CCNB3: variants seen among roughly 807,000 people sequenced by gnomAD.
CCNB3 encodes G2/mitotic-specific cyclin-B3.
A neutral mutation model predicts 68.0 loss-of-function variants in CCNB3; 12 were observed. The observed-to-expected ratio is 0.18, with a 90% CI of 0.11 to 0.29. The LOEUF (loss-of-function observed/expected upper bound fraction) is 0.29, where lower values mean the gene tolerates loss of function less well. CCNB3 is among the 10% of genes least tolerant of loss of function. The probability of loss-of-function intolerance (pLI) is 1.00; values close to 1 mark genes in which losing one functional copy is unlikely to be tolerated. For synonymous variants in CCNB3, 354 were observed against 388.9 expected (o/e 0.91, Z 1.06); for missense variants, 904 against 993.1 (o/e 0.91, Z 1.21).
chrX:50,279,435 TATATATATAA>T (rs1407561177), intron 1 of CCNB3, among the ~76,000 whole-genome samples: 1 of 74,795 alleles, frequency 1.3e-5, no homozygotes, highest in African/African-American at 6.5e-5. Context: ...TATATATAAA[TATATATATAA>T]ATATATAAAT....
chrX:50,226,235 T>A (rs1246758834), intron 1 of CCNB3, among the ~76,000 whole-genome samples: 429 of 60,813 alleles, frequency 7.1e-3, no homozygotes, highest in Middle Eastern at 0.038. Flanking sequence ...ATATATATAT[T>A]TATATATATA....
intron 9 of CCNB3, among the ~76,000 whole-genome samples, chrX:50,344,170 C>T (rs1228981431): frequency 1.8e-5 from 2 of 112,242 alleles, no homozygotes; most frequent in Admixed American, 1.9e-4. Context: ...AGGTGTGTAG[C>T]CTAGGAGCAA....
chrX:50,227,374 A>G (rs1213236520), intron 1 of CCNB3, among the ~76,000 whole-genome samples: 3 of 84,292 alleles, frequency 3.6e-5, no homozygotes, highest in East Asian at 6.8e-4. Context: ...CAGAATATAT[A>G]TAAATATATA....
intron 1 of CCNB3, among the ~76,000 whole-genome samples, chrX:50,206,404 C>G (rs1157704085): frequency 9.4e-6 from 1 of 106,317 alleles, no homozygotes; most frequent in Admixed American, 1.0e-4. Context: ...AAACTTCCGT[C>G]TCTACCAAAA....
At chrX:50,327,117 G>T (rs73213612) in intron 8 of CCNB3, among the ~76,000 whole-genome samples, 6,207 of 111,968 alleles carry the variant, frequency 0.055, 187 homozygotes, top group Non-Finnish European at 0.084. Flanking sequence ...GGGACTTCTT[G>T]TCCATATTTG....
chrX:50,308,728 G>C lies in CCNB3; in HGVS notation c.559G>C (p.Val187Leu). ...SLKKCSNHEEVSLLEKLQPLQ... is the reference protein window; with the variant it reads ...SLKKCSNHEELSLLEKLQPLQ... ...AAAAAAGTGCTCAAATCATGAGGAG[G>C]TGTCCTTACTGGAAAAGCTACAGCC... Residue 187 changes from valine to leucine, a missense_variant, in exon 6 of 13, where the codon GTG becomes CTG. Val to Leu is a conservative substitution (Grantham distance 32). Coordinates refer to ENST00000376042, the MANE Select transcript of CCNB3 (RefSeq NM_033031.3). 1.7e-6 allele frequency: 2 copies of C among 1,210,942 alleles called. No homozygotes were observed. The highest frequency in any genetic ancestry group is 2.2e-6 in the Non-Finnish European group (2 of 894,815).
At chrX:50,223,957 G>GC (rs1450967279) in intron 1 of CCNB3, among the ~76,000 whole-genome samples, 2 of 111,937 alleles carry the variant, frequency 1.8e-5, no homozygotes, top group Non-Finnish European at 3.8e-5. Flanking sequence ...TTTCAGAGAT[G>GC]CCCTGTCCAG....
chrX:50,215,914 T>C, intron 1 of CCNB3, among the ~76,000 whole-genome samples: 1 of 109,118 alleles, frequency 9.2e-6, no homozygotes, highest in Non-Finnish European at 1.9e-5. Context: ...GGTTTTCTTG[T>C]TGACAGCATG....
intron 1 of CCNB3, among the ~76,000 whole-genome samples, chrX:50,214,505 TA>T (rs1935534763): frequency 2.7e-5 from 2 of 73,860 alleles, no homozygotes; most frequent in African/African-American, 4.4e-5. Flanking sequence ...TATATATATA[TA>T]TATTTTAGCT....
In CCNB3 at chrX:50,214,474, C is replaced by CTATATATATATATATATATA. The variant is rs1935530522; in HGVS notation, c.-113+9524_-113+9525insTATATATATATATATATATA. Among the ~76,000 whole-genome samples the CTATATATATATATATATATA allele has an allele frequency of 2.1e-3, 4 of 1,919 alleles. No individual in the cohort carries two copies. In the Admixed American group the frequency reaches 0.042, roughly 20 times the overall value. The allele number at this position is 1,919 out of a possible 115,157, so 1.7% of individuals were successfully genotyped here. On this transcript the variant is annotated intron_variant, in intron 1 of 12. Transcript: ENST00000376042. ...TTTACCTTTCAGTTTTAGCTGTGGC[C>CTATATATATATATATATATA]CATATATATATATATATATATATAT...
At chrX:50,308,089 T>A (rs1602221969) in intron 5 of CCNB3, among the ~76,000 whole-genome samples, 1 of 112,248 alleles carries the variant, frequency 8.9e-6, no homozygotes, top group South Asian at 3.7e-4. Context: ...ATCTCTCTCA[T>A]TAGCCTTCAA....
chrX:50,325,704 A>G (rs1318248987), intron 8 of CCNB3, among the ~76,000 whole-genome samples: 1 of 112,084 alleles, frequency 8.9e-6, no homozygotes, highest in Non-Finnish European at 1.9e-5. Context: ...GCTACTGAGG[A>G]TCCATCCTGA....
chrX:50,338,017 G>A (rs1557219075), intron 8 of CCNB3, among the ~76,000 whole-genome samples: 1 of 112,153 alleles, frequency 8.9e-6, no homozygotes. Context: ...CAGACTCCAA[G>A]TACCAGTTCC....
Position 50,309,111 on chromosome X carries a change from C to G in CCNB3, c.942C>G (p.Ser314=). 1 of 1,210,607 alleles carries G rather than the reference C, an allele frequency of 8.3e-7. No individual in the cohort carries two copies. Among genetic ancestry groups the G allele is most frequent in the Non-Finnish European group, 1.1e-6 (1 of 894,609 alleles). The part of the protein sequence containing the change: ...VLQTTICGAM[S]SIKKPTTEKE... ...AGACAACCATCTGTGGAGCAATGTCCTCCATTAAGAAGCCTACCACTGAGA... is the reference window on the plus strand; with the variant it reads ...AGACAACCATCTGTGGAGCAATGTCGTCCATTAAGAAGCCTACCACTGAGA... Residue 314 remains serine, a synonymous_variant, in exon 6 of 13, where the codon TCC becomes TCG. Coordinates refer to ENST00000376042, the MANE Select transcript of CCNB3 (RefSeq NM_033031.3).
intron 5 of CCNB3, among the ~76,000 whole-genome samples, chrX:50,305,941 CT>C (rs782315666): frequency 0.033 from 2,657 of 81,181 alleles, 103 homozygotes; most frequent in African/African-American, 0.11. Context: ...ACCACACCAG[CT>C]TTTTTTTTTT....
At chrX:50,322,483 A>G (rs1323826112) in intron 8 of CCNB3, among the ~76,000 whole-genome samples, 1 of 111,754 alleles carries the variant, frequency 8.9e-6, no homozygotes, top group Non-Finnish European at 1.9e-5. Flanking sequence ...AAGAAAACCT[A>G]GGCAATACCA....
At position 50,309,942 on chromosome X, in the gene CCNB3, G is replaced by T. The variant is rs1200046820; in HGVS notation, c.1773G>T (p.Lys591Asn). ...LTKTSLSLQE[K>N]KITQGKMSHL... is the part of the protein sequence containing the mutation. ...AGACATCGTTGTCTTTACAGGAAAAGAAAATTACTCAGGGGAAGATGTCCC... is the reference window on the plus strand; with the variant it reads ...AGACATCGTTGTCTTTACAGGAAAATAAAATTACTCAGGGGAAGATGTCCC... Residue 591 changes from lysine (K) to asparagine (N), a missense_variant, in exon 6 of 13, where the codon AAG (lysine) becomes AAT (asparagine). Physicochemically the swap from Lys to Asn is moderately conservative, Grantham distance 94. Transcript: ENST00000376042. 1 of 1,208,751 alleles carries T rather than the reference G, an allele frequency of 8.3e-7. No individual in the cohort carries two copies. Among genetic ancestry groups the T allele is most frequent in the African/African-American group, 1.7e-5 (1 of 57,225 alleles).
At chrX:50,330,353 C>T (rs782701235) in intron 8 of CCNB3, among the ~76,000 whole-genome samples, 30 of 111,635 alleles carry the variant, frequency 2.7e-4, no homozygotes, top group Non-Finnish European at 5.6e-5. Context: ...TGGAATGCAG[C>T]GCCAGACTGT....
At chrX:50,292,943 C>T (rs1274020691) in intron 4 of CCNB3, among the ~76,000 whole-genome samples, 1 of 111,591 alleles carries the variant, frequency 9.0e-6, no homozygotes, top group East Asian at 2.8e-4. Context: ...ATATTAGATA[C>T]CAAGATATTG....
Sources: gnomAD v4.1 joint callset for allele counts (sites outside exome capture counted in the v4.1 genomes callset) on GRCh38, gnomAD v4.1.1 for gene constraint, MANE v1.5 for transcripts, NCBI Gene and HGNC (gene_info 2026-07-23, HGNC 2026-07-21) for gene names.